PRKAA2: variants seen among roughly 807,000 people sequenced by gnomAD.
PRKAA2 encodes the protein protein kinase AMP-activated catalytic subunit alpha 2.
Under a neutral mutation model 56.3 loss-of-function variants are expected in PRKAA2, and 40 were observed. The ratio of observed to expected loss-of-function variants is 0.71; its 90% CI spans 0.55 to 0.92. The LOEUF (loss-of-function observed/expected upper bound fraction) is 0.92, where lower values mean the gene tolerates loss of function less well. Among genes scored for constraint, PRKAA2 ranks in the 40% least tolerant of loss-of-function variants. PRKAA2 has a pLI of 0.00. For synonymous variants in PRKAA2, 214 were observed against 234.2 expected, an observed-to-expected ratio of 0.91 and a Z score of 0.79; for missense variants, 542 against 686.9, an observed-to-expected ratio of 0.79 and a Z score of 2.36.
At chr1:56,701,810 C>T (rs148416678) in intron 6 of PRKAA2, among the ~76,000 whole-genome samples, 1 of 151,836 alleles carries the variant, frequency 6.6e-6, no homozygotes, top group Non-Finnish European at 1.5e-5. Context: ...CGGAGAATGG[C>T]GTGAACCCAG....
chr1:56,652,115 C>T (rs1488100429), intron 1 of PRKAA2, among the ~76,000 whole-genome samples: 4 of 151,114 alleles, frequency 2.6e-5, no homozygotes, highest in East Asian at 1.9e-4. Flanking sequence ...TGGGTTCAAG[C>T]GATTCCACTG....
intron 2 of PRKAA2, among the ~76,000 whole-genome samples, chr1:56,683,872 T>G (rs1644173114): frequency 6.6e-6 from 1 of 152,110 alleles, no homozygotes; most frequent in Admixed American, 6.6e-5. Flanking sequence ...GGGCTTTGGC[T>G]TTTACTCTTG....
At chr1:56,678,755 G>T (rs1168127395) in intron 2 of PRKAA2, among the ~76,000 whole-genome samples, 4 of 148,968 alleles carry the variant, frequency 2.7e-5, no homozygotes, top group African/African-American at 9.9e-5. Context: ...GAGTGCAGTA[G>T]CATGATCTCA....
At chr1:56,705,330 T>C (rs1046581321) in intron 7 of PRKAA2, among the ~76,000 whole-genome samples, 2 of 152,194 alleles carry the variant, frequency 1.3e-5, no homozygotes, top group African/African-American at 4.8e-5. Flanking sequence ...AATTCTGTAC[T>C]GAAACATTTT....
intron 2 of PRKAA2, among the ~76,000 whole-genome samples, chr1:56,678,960 C>T (rs1041741682): frequency 6.6e-6 from 1 of 152,160 alleles, no homozygotes; most frequent in African/African-American, 2.4e-5. Context: ...TCCCAAAGTG[C>T]TGGGATTACG....
At chr1:56,672,890 A>G (rs563165598) in intron 1 of PRKAA2, among the ~76,000 whole-genome samples, 1 of 152,308 alleles carries the variant, frequency 6.6e-6, no homozygotes, top group Non-Finnish European at 1.5e-5. Context: ...TTAATGAGAC[A>G]AGTTGGAAAC....
At chr1:56,675,295 A>G (rs1027185643) in intron 2 of PRKAA2, among the ~76,000 whole-genome samples, 2 of 152,072 alleles carry the variant, frequency 1.3e-5, no homozygotes, top group Non-Finnish European at 2.9e-5. Flanking sequence ...TAAAATAAGT[A>G]TTGCTCTTAC....
chr1:56,657,393 G>A (rs1388955139), intron 1 of PRKAA2, among the ~76,000 whole-genome samples: 2 of 152,096 alleles, frequency 1.3e-5, no homozygotes, highest in South Asian at 2.1e-4. Context: ...AAAAATAAAG[G>A]TAAGCTGGGC....
At chr1:56,653,270 A>G (rs970700944) in intron 1 of PRKAA2, among the ~76,000 whole-genome samples, 3 of 149,680 alleles carry the variant, frequency 2.0e-5, no homozygotes, top group Non-Finnish European at 3.0e-5. Context: ...ATAGATATAT[A>G]TAATATATAT....
At chr1:56,672,643 G>A (rs912376126) in intron 1 of PRKAA2, among the ~76,000 whole-genome samples, 9 of 152,148 alleles carry the variant, frequency 5.9e-5, no homozygotes, top group African/African-American at 2.2e-4. Flanking sequence ...CTGAGAGTTA[G>A]TAGGAGAAAC....
At chr1:56,670,028 T>G (rs1311048050) in intron 1 of PRKAA2, among the ~76,000 whole-genome samples, 4 of 152,208 alleles carry the variant, frequency 2.6e-5, no homozygotes, top group Non-Finnish European at 5.9e-5. Flanking sequence ...GAGTGTTTTG[T>G]GTATTTTGGC....
chr1:56,676,837 T>A (rs1022615486), intron 2 of PRKAA2, among the ~76,000 whole-genome samples: 2 of 152,176 alleles, frequency 1.3e-5, no homozygotes, highest in African/African-American at 2.4e-5. Flanking sequence ...TTTATGGGAT[T>A]GGTGTGGATG....
intron 2 of PRKAA2, among the ~76,000 whole-genome samples, chr1:56,686,358 G>A (rs1644191246): frequency 1.3e-5 from 2 of 152,170 alleles, no homozygotes; most frequent in African/African-American, 4.8e-5. Flanking sequence ...CTATGACTCA[G>A]CAGTTGCACT....
chr1:56,697,683 C>T (rs919810919), intron 6 of PRKAA2, among the ~76,000 whole-genome samples: 9 of 151,984 alleles, frequency 5.9e-5, no homozygotes, highest in Admixed American at 3.3e-4. Flanking sequence ...TAGTAATAGG[C>T]TGGGGGCAGT....
intron 1 of PRKAA2, among the ~76,000 whole-genome samples, chr1:56,670,563 A>T (rs963332843): frequency 2.6e-5 from 4 of 152,164 alleles, no homozygotes. Context: ...AGAGGCTAAG[A>T]TGCAGGCTGT....
intron 2 of PRKAA2, among the ~76,000 whole-genome samples, chr1:56,680,220 C>A (rs952655789): frequency 8.5e-5 from 13 of 152,100 alleles, no homozygotes; most frequent in Non-Finnish European, 1.3e-4. Context: ...GGCTCTAACT[C>A]CTCTTTGCTC....
chr1:56,667,235 A>G (rs980942178), intron 1 of PRKAA2, among the ~76,000 whole-genome samples: 1 of 152,066 alleles, frequency 6.6e-6, no homozygotes, highest in Non-Finnish European at 1.5e-5. Context: ...TCCTCATTTC[A>G]TTCATTCTTG....
chr1:56,681,582 C>A (rs1196823615), intron 2 of PRKAA2, among the ~76,000 whole-genome samples: 3 of 152,176 alleles, frequency 2.0e-5, no homozygotes, highest in African/African-American at 7.2e-5. Flanking sequence ...TATGGCTAGC[C>A]AATTTTCCCA....
chr1:56,651,298 A>C (rs1326848722), intron 1 of PRKAA2, among the ~76,000 whole-genome samples: 2 of 152,246 alleles, frequency 1.3e-5, no homozygotes, highest in African/African-American at 4.8e-5. Context: ...TACTTCAGTG[A>C]TAAAAGGTAC....
Sources: gnomAD v4.1 joint callset for allele counts (sites outside exome capture counted in the v4.1 genomes callset) on GRCh38, gnomAD v4.1.1 for gene constraint, MANE v1.5 for transcripts, NCBI Gene and HGNC (gene_info 2026-07-23, HGNC 2026-07-21) for gene names.